Variants in AFAP1 observed in about 807,000 individuals in gnomAD.
AFAP1 encodes actin filament-associated protein 1.
AFAP1 carries 75 observed loss-of-function variants against 93.9 expected under a neutral mutation model. That is an observed-to-expected ratio of 0.80 (90% CI 0.66 to 0.97). AFAP1 has a LOEUF of 0.97. AFAP1 is among the 50% of genes least tolerant of loss of function. AFAP1 has a pLI of 0.00. For synonymous variants in AFAP1, 517 were observed against 430.7 expected, an observed-to-expected ratio of 1.20 and a Z score of -2.48; for missense variants, 1,201 against 1,050.8, an observed-to-expected ratio of 1.14 and a Z score of -1.98.
In AFAP1 at chr4:7,916,607, C is replaced by T. The variant is rs372162565; in HGVS notation, c.-3+23049G>A. Among the ~76,000 whole-genome samples, 21 of 152,224 alleles carry T rather than the reference C, an allele frequency of 1.4e-4. No individual in the cohort carries two copies. In the East Asian group the frequency reaches 3.1e-3, roughly 22 times the overall value. ...TAGTCCCAGGATGACTCCCCTCCCC[C>T]TCCTGCAGGAGTGGGAAGGGTGGGC... On this transcript the variant is annotated intron_variant, in intron 1 of 17. Coordinates refer to ENST00000420658, the MANE Select transcript of AFAP1 (RefSeq NM_001134647.2).
Position 7,800,470 on chromosome 4 carries a change from C to A in AFAP1, c.1238G>T (p.Arg413Leu). Residue 413 changes from arginine (R) to leucine (L), a missense_variant, in exon 10 of 18, where the codon CGC becomes CTC. By Grantham distance (102) the Arg-to-Leu change is moderately radical (BLOSUM62 -2). Coordinates refer to ENST00000420658, the MANE Select transcript of AFAP1 (RefSeq NM_001134647.2). ...SKHPLTFRLL[R>L]NGQEVAVLEA... Reference sequence around the variant, plus strand: ...CAATACTGCAACCTCCTGGCCGTTGCGCAGCAGCCGGAACGTCAGAGGATG... The same window carrying A: ...CAATACTGCAACCTCCTGGCCGTTGAGCAGCAGCCGGAACGTCAGAGGATG... The A allele has an allele frequency of 1.9e-6, 3 of 1,614,162 alleles. No homozygotes were observed. The highest frequency in any genetic ancestry group is 1.7e-6 in the Non-Finnish European group (2 of 1,180,024).
chr4:7,778,608 T>C lies in AFAP1; in HGVS notation c.1897+154A>G, dbSNP rs1054287309. 4 of 761,926 alleles carry C rather than the reference T, an allele frequency of 5.2e-6. 1 individual carries two copies. The highest frequency in any genetic ancestry group is 3.4e-4 in the Middle Eastern group (1 of 2,916). 47.2% of individuals were successfully genotyped at this position (761,926 alleles called of 1,614,324 possible). A position where few individuals can be genotyped will look rare whatever the true frequency, so the allele number is the denominator to read the frequency against. ...AGCTGGGTTGAAATCGCCACTGTCC[T>C]TCTATGTGGCTGATGAGGAAGGATG... On this transcript the variant is annotated intron_variant, in intron 14 of 17. Coordinates refer to ENST00000420658, the MANE Select transcript of AFAP1 (RefSeq NM_001134647.2).
At chr4:7,766,745 G>A (rs550796661) in intron 17 of AFAP1, among the ~76,000 whole-genome samples, 2 of 152,270 alleles carry the variant, frequency 1.3e-5, no homozygotes, top group Admixed American at 6.5e-5. Flanking sequence ...CAGTTTCCAT[G>A]CCTGGATGGC....
At chr4:7,917,999 T>G (rs1368946059) in intron 1 of AFAP1, among the ~76,000 whole-genome samples, 1 of 152,236 alleles carries the variant, frequency 6.6e-6, no homozygotes, top group Non-Finnish European at 1.5e-5. Context: ...ACTCACCAGC[T>G]GTTGCTTGAA....
chr4:7,927,951 G>T (rs1720857350), intron 1 of AFAP1, among the ~76,000 whole-genome samples: 3 of 152,150 alleles, frequency 2.0e-5, no homozygotes, highest in Admixed American at 2.0e-4. Flanking sequence ...AAGTCATAGA[G>T]ATGAAAAGCC....
At chr4:7,867,550 T>C (rs1198864221) in intron 3 of AFAP1, among the ~76,000 whole-genome samples, 2 of 152,172 alleles carry the variant, frequency 1.3e-5, no homozygotes, top group Non-Finnish European at 2.9e-5. Context: ...TCTGAACTAG[T>C]ATTGTTGAGA....
In AFAP1 at chr4:7,855,430, C is replaced by CAA. The variant is rs745421546; in HGVS notation, c.334+34_334+35dup. On this transcript the variant is annotated intron_variant, in intron 4 of 17. Coordinates refer to ENST00000420658, the MANE Select transcript of AFAP1 (RefSeq NM_001134647.2). ...GGCTCTGCAACAGTCCTGCCAATCACAAAGGCAGCATGGCTGGGCAGGGCT... is the reference window on the plus strand; with the variant it reads ...GGCTCTGCAACAGTCCTGCCAATCACAAAAAGGCAGCATGGCTGGGCAGGGCT... The CAA allele has an allele frequency of 2.7e-6, 4 of 1,487,706 alleles. No individual in the cohort carries two copies. The African/African-American group carries it at 5.6e-5, about 21-fold the overall frequency. The allele number at this position is 1,487,706 out of a possible 1,614,324, so 92.2% of individuals were successfully genotyped here.
intron 1 of AFAP1, among the ~76,000 whole-genome samples, chr4:7,922,753 G>A (rs536947421): frequency 6.6e-6 from 1 of 152,304 alleles, no homozygotes; most frequent in South Asian, 2.1e-4. Flanking sequence ...AGAGGCTGAG[G>A]TGAGAGGACT....
At chr4:7,853,667 G>C (rs901381919) in intron 4 of AFAP1, among the ~76,000 whole-genome samples, 1 of 152,104 alleles carries the variant, frequency 6.6e-6, no homozygotes, top group Admixed American at 6.6e-5. Flanking sequence ...AAATGCTTTG[G>C]CTTCTCCGAT....
chr4:7,817,857 A>T (rs1435321186), intron 7 of AFAP1, among the ~76,000 whole-genome samples: 1 of 151,630 alleles, frequency 6.6e-6, no homozygotes, highest in African/African-American at 2.4e-5. Context: ...TGGTTAATAT[A>T]TCAGTAGTGT....
At chr4:7,773,941 G>A (rs1715781838) in intron 15 of AFAP1, 1 of 152,432 alleles carries the variant, frequency 6.6e-6, no homozygotes, top group Admixed American at 6.5e-5. Flanking sequence ...GGCGAGCCAT[G>A]GGAAGGCCAC....
chr4:7,927,655 T>C (rs1480818498), intron 1 of AFAP1, among the ~76,000 whole-genome samples: 1 of 152,106 alleles, frequency 6.6e-6, no homozygotes, highest in Admixed American at 6.6e-5. Flanking sequence ...CAATATTCCA[T>C]CTCTAAAAAT....
chr4:7,778,685 G>A (rs1027375007), intron 14 of AFAP1, 77 bp downstream of exon 14: 65 of 1,413,286 alleles, frequency 4.6e-5, no homozygotes, highest in Non-Finnish European at 6.3e-5. Context: ...GCACTCACGG[G>A]TGGGCAGGCT....
At chr4:7,864,164 C>CACCTTCCCAACCTCCCAT (rs1314891559) in intron 3 of AFAP1, among the ~76,000 whole-genome samples, 1 of 151,914 alleles carries the variant, frequency 6.6e-6, no homozygotes, top group African/African-American at 2.4e-5. Flanking sequence ...CTCATCACAA[C>CACCTTCCCAACCTCCCAT]CCACAGGTCC....
intron 1 of AFAP1, among the ~76,000 whole-genome samples, chr4:7,895,979 G>A (rs943543063): frequency 6.7e-6 from 1 of 150,048 alleles, no homozygotes; most frequent in Non-Finnish European, 1.5e-5. Flanking sequence ...TCCTGCCTCA[G>A]CCTCCTGAGC....
At chr4:7,805,179 C>T (rs1367009138) in intron 9 of AFAP1, among the ~76,000 whole-genome samples, 1 of 152,200 alleles carries the variant, frequency 6.6e-6, no homozygotes, top group Non-Finnish European at 1.5e-5. Flanking sequence ...GGGATTCCAG[C>T]TGCATGCTAC....
At chr4:7,829,279 G>T (rs146085447) in intron 6 of AFAP1, among the ~76,000 whole-genome samples, 2 of 152,098 alleles carry the variant, frequency 1.3e-5, no homozygotes, top group East Asian at 3.9e-4. Flanking sequence ...CCTTTTCCTG[G>T]CTGTGTTATA....
Position 7,774,695 on chromosome 4 carries a change from T to C in AFAP1, c.2062+44A>G, listed in dbSNP as rs769779549. 25 of 1,597,974 alleles carry C rather than the reference T, an allele frequency of 1.6e-5. 1 individual carries two copies. The Admixed American group carries it at 1.8e-4, about 11-fold the overall frequency. On this transcript the variant is annotated intron_variant, in intron 15 of 17. Coordinates refer to ENST00000420658, the MANE Select transcript of AFAP1 (RefSeq NM_001134647.2). ...AAAGCAGAATGAAATCTCCAGTCTC[T>C]AATACAAACATGCACCCTGGGCAGT...
intron 6 of AFAP1, among the ~76,000 whole-genome samples, chr4:7,828,442 G>T (rs892585952): frequency 1.3e-5 from 2 of 152,230 alleles, no homozygotes; most frequent in African/African-American, 4.8e-5. Context: ...GACACAGGAA[G>T]AGTCTGTCTC....
Sources: allele counts gnomAD v4.1 joint callset (sites outside exome capture counted in the v4.1 genomes callset), GRCh38; gene constraint gnomAD v4.1.1; transcripts MANE v1.5; gene names NCBI Gene and HGNC (gene_info 2026-07-23, HGNC 2026-07-21).